The following RYR2 variants were observed in gnomAD, a reference collection of about 807,000 sequenced individuals.
The protein encoded by RYR2 is cardiac muscle ryanodine receptor-calcium release channel.
Under a neutral mutation model 601.1 loss-of-function variants are expected in RYR2, and 227 were observed. The observed-to-expected ratio is 0.38, with a 90% CI of 0.34 to 0.42. RYR2 has a LOEUF of 0.42. Ranked by LOEUF, RYR2 falls within the 10% of genes least tolerant of loss-of-function variation. The probability of loss-of-function intolerance (pLI) is 1.00; values close to 1 mark genes in which losing one functional copy is unlikely to be tolerated. For missense variants in RYR2, 4,646 were observed against 6,156.5 expected, an observed-to-expected ratio of 0.75 and a Z score of 8.21; for synonymous variants, 2,223 against 2,175.1, an observed-to-expected ratio of 1.02 and a Z score of -0.61.
At chr1:237,241,820 G>T (rs1227197639) in intron 1 of RYR2, among the ~76,000 whole-genome samples, 1 of 152,124 alleles carries the variant, frequency 6.6e-6, no homozygotes, top group African/African-American at 2.4e-5. Flanking sequence ...AACTGTCATG[G>T]TGCTGGTGGG....
At chr1:237,251,202 T>G (rs1687430828) in intron 1 of RYR2, among the ~76,000 whole-genome samples, 3 of 152,146 alleles carry the variant, frequency 2.0e-5, no homozygotes, top group African/African-American at 7.2e-5. Flanking sequence ...CTTTTTTGAC[T>G]CCATATCGTC....
Position 237,549,075 on chromosome 1 carries a change from C to T in RYR2, c.3066+485C>T, listed in dbSNP as rs187194375. ...AGTGACTTCAAATTGCAATTCATTCCGCACAAGGGAGGCATGGTCATACCA... is the reference window on the plus strand; with the variant it reads ...AGTGACTTCAAATTGCAATTCATTCTGCACAAGGGAGGCATGGTCATACCA... On this transcript the variant is annotated intron_variant, in intron 26 of 104. Transcript: ENST00000366574. Among the ~76,000 whole-genome samples the T allele has an allele frequency of 3.4e-4, 51 of 152,174 alleles. No individual in the cohort carries two copies. In the East Asian group the frequency reaches 5.0e-3, roughly 15 times the overall value.
chr1:237,641,923 T>C (rs750792771), intron 47 of RYR2, among the ~76,000 whole-genome samples: 3 of 152,220 alleles, frequency 2.0e-5, no homozygotes, highest in Non-Finnish European at 2.9e-5. Flanking sequence ...TAATACATTC[T>C]GATATTTTGT....
At chr1:237,498,563 A>G (rs1263967481) in intron 20 of RYR2, among the ~76,000 whole-genome samples, 4 of 151,934 alleles carry the variant, frequency 2.6e-5, no homozygotes, top group Non-Finnish European at 5.9e-5. Context: ...CCCATTACAC[A>G]GAGATTAGAT....
At chr1:237,442,304 T>C (rs1379500176) in intron 13 of RYR2, among the ~76,000 whole-genome samples, 4 of 152,206 alleles carry the variant, frequency 2.6e-5, no homozygotes, top group Non-Finnish European at 4.4e-5. Context: ...GATGTTATCT[T>C]TTTCTTTTTT....
rs140859793 is a variant in RYR2 at position 237,443,156 on chromosome 1, CTGT to C, written c.1170+1675_1170+1677del. On this transcript the variant is annotated intron_variant, in intron 13 of 104. Transcript: ENST00000366574. The stretch of plus-strand genomic sequence containing the variant: ...ACTCATTTTTTTCTTTGGTGCTGTT[CTGT>C]TCGTAAGCCCTTTCTGTACCTTTAA... 2.8e-3 allele frequency among the ~76,000 whole-genome samples: 432 copies of C among 152,168 alleles called. 2 individuals carry two copies. Among genetic ancestry groups the C allele is most frequent in the African/African-American group, 9.9e-3 (411 of 41,514 alleles).
At chr1:237,224,495 G>A (rs1684147859) in intron 1 of RYR2, among the ~76,000 whole-genome samples, 1 of 152,140 alleles carries the variant, frequency 6.6e-6, no homozygotes, top group African/African-American at 2.4e-5. Flanking sequence ...ATAGCTATTA[G>A]TAATAGCTAA....
At chr1:237,244,573 G>T (rs1319027774) in intron 1 of RYR2, among the ~76,000 whole-genome samples, 2 of 152,076 alleles carry the variant, frequency 1.3e-5, no homozygotes, top group East Asian at 3.9e-4. Context: ...CAATGTGTTG[G>T]CCCTACATAA....
At position 237,388,118 on chromosome 1, in the gene RYR2, G is replaced by A. The variant is rs773746218; in HGVS notation, c.708G>A (p.Leu236=). The A allele has an allele frequency of 4.3e-6, 7 of 1,613,824 alleles. No homozygotes were observed. The African/African-American group carries it at 8.0e-5, about 18-fold the overall frequency. The change falls in exon 10 of 105, where the codon TTG becomes TTA. Residue 236 remains leucine, a synonymous_variant. Coordinates refer to ENST00000366574, the MANE Select transcript of RYR2 (RefSeq NM_001035.3). ...TCATTGGTGGTGATGTCCTCAGGTT[G>A]CTGCATGGACACATGGACGAGTGTC... ...GYLIGGDVLR[L]LHGHMDECLT...
At chr1:237,822,024 T>C (rs1662563365) in intron 101 of RYR2, among the ~76,000 whole-genome samples, 1 of 152,028 alleles carries the variant, frequency 6.6e-6, no homozygotes, top group African/African-American at 2.4e-5. Context: ...TATGGGACTA[T>C]GTGAAAAGAC....
intron 2 of RYR2, among the ~76,000 whole-genome samples, chr1:237,317,323 T>G (rs1695212734): frequency 6.6e-6 from 1 of 152,198 alleles, no homozygotes; most frequent in Non-Finnish European, 1.5e-5. Context: ...ATATAGTTCT[T>G]CTGAGTTTTA....
At chr1:237,751,038 G>A (rs1421394308) in intron 80 of RYR2, among the ~76,000 whole-genome samples, 1 of 152,204 alleles carries the variant, frequency 6.6e-6, no homozygotes, top group Non-Finnish European at 1.5e-5. Context: ...CAAAATTCAA[G>A]TAATGAGCTG....
intron 3 of RYR2, among the ~76,000 whole-genome samples, chr1:237,352,394 A>G (rs10925381): frequency 0.19 from 28,542 of 151,942 alleles, 2,930 homozygotes; most frequent in East Asian, 0.37. Context: ...CTAATACAAG[A>G]TGTGTAAACC....
At chr1:237,237,730 T>A (rs543433139) in intron 1 of RYR2, among the ~76,000 whole-genome samples, 1 of 152,304 alleles carries the variant, frequency 6.6e-6, no homozygotes, top group South Asian at 2.1e-4. Flanking sequence ...TTGTAGAGAA[T>A]CCCTTACCCA....
chr1:237,782,170 T>TGTTA (rs1298866755), intron 89 of RYR2, among the ~76,000 whole-genome samples: 1 of 144,608 alleles, frequency 6.9e-6, no homozygotes, highest in Non-Finnish European at 1.5e-5. Context: ...CAGCTTATTT[T>TGTTA]GTTATTGCTT....
At chr1:237,811,546 CTT>C (rs1393784695) in intron 100 of RYR2, among the ~76,000 whole-genome samples, 1 of 151,860 alleles carries the variant, frequency 6.6e-6, no homozygotes, top group Non-Finnish European at 1.5e-5. Context: ...TAAAAAAAAT[CTT>C]AAGAATAAAT....
Position 237,617,495 on chromosome 1 carries a change from A to G in RYR2, c.5916+9A>G, listed in dbSNP as rs1002006336. ...CACCACCTCAAGAACAGGTACAGAA[A>G]TGAAATGAAAATTCTTCGTATTTAT... On this transcript the variant is annotated intron_variant, in intron 38 of 104. Coordinates refer to ENST00000366574, the MANE Select transcript of RYR2 (RefSeq NM_001035.3). 3.1e-6 allele frequency: 5 copies of G among 1,608,316 alleles called. No homozygotes were observed. Among genetic ancestry groups the G allele is most frequent in the Admixed American group, 1.7e-5 (1 of 59,442 alleles).
chr1:237,206,150 G>A (rs1298138119), intron 1 of RYR2, among the ~76,000 whole-genome samples: 1 of 152,098 alleles, frequency 6.6e-6, no homozygotes, highest in Non-Finnish European at 1.5e-5. Context: ...TGGCTCCTAG[G>A]GCTCCAGCCA....
At chr1:237,666,377 T>C (rs2148871978) in intron 56 of RYR2, 135 bp from the exon 57 acceptor site, 1 of 706,702 alleles carries the variant, frequency 1.4e-6, no homozygotes, top group Non-Finnish European at 2.4e-6. Context: ...ACAACATCAT[T>C]TTGTATAGAA....
Sources: gnomAD v4.1 joint callset for allele counts (sites outside exome capture counted in the v4.1 genomes callset) on GRCh38, gnomAD v4.1.1 for gene constraint, MANE v1.5 for transcripts, NCBI Gene and HGNC (gene_info 2026-07-23, HGNC 2026-07-21) for gene names.